WWOX: variants seen among roughly 807,000 people sequenced by gnomAD.
WWOX encodes WW domain containing oxidoreductase.
A neutral mutation model predicts 46.2 loss-of-function variants in WWOX; 69 were observed. That is an observed-to-expected ratio of 1.49 (90% CI 1.23 to 1.82). The LOEUF is 1.82. WWOX is among the 40% of genes most tolerant of loss of function. WWOX has a pLI of 0.00. For synonymous variants in WWOX, 359 were observed against 202.6 expected, an observed-to-expected ratio of 1.77 and a Z score of -6.56; for missense variants, 919 against 542.6, an observed-to-expected ratio of 1.69 and a Z score of -6.89.
chr16:78,440,045 G>A (rs1371140664), intron 8 of WWOX, among the ~76,000 whole-genome samples: 1 of 152,212 alleles, frequency 6.6e-6, no homozygotes, highest in African/African-American at 2.4e-5. Context: ...TTATAAAGGA[G>A]ACTAGAAAAG....
intron 8 of WWOX, among the ~76,000 whole-genome samples, chr16:78,804,205 C>G (rs895353520): frequency 6.6e-6 from 1 of 152,074 alleles, no homozygotes; most frequent in Non-Finnish European, 1.5e-5. Context: ...ACTGCAGTCC[C>G]TCCTCTATGC....
chr16:78,812,535 A>G (rs1399881180), intron 8 of WWOX, among the ~76,000 whole-genome samples: 1 of 152,080 alleles, frequency 6.6e-6, no homozygotes, highest in Non-Finnish European at 1.5e-5. Flanking sequence ...CAGCCTGGCC[A>G]ACATGGCGAA....
At position 78,355,851 on chromosome 16, in the gene WWOX, T is replaced by C. The variant is rs557160454; in HGVS notation, c.517-31009T>C. 3.9e-3 allele frequency: 2,573 copies of C among 653,498 alleles called. 52 individuals are homozygous for C. In the African/African-American group the frequency reaches 0.045, roughly 11 times the overall value. The allele number at this position is 653,498 out of a possible 1,614,324, so 40.5% of individuals were successfully genotyped here. On this transcript the variant is annotated intron_variant, in intron 5 of 8. Transcript: ENST00000566780. Reference sequence around the variant, plus strand: ...GTTGGCTGAAACAAAGAATTTGTCCTGTACGGAAAACAGGAGACTTTGTAC... The same window carrying C: ...GTTGGCTGAAACAAAGAATTTGTCCCGTACGGAAAACAGGAGACTTTGTAC...
At chr16:78,315,501 T>C (rs1227644983) in intron 5 of WWOX, among the ~76,000 whole-genome samples, 1 of 151,980 alleles carries the variant, frequency 6.6e-6, no homozygotes, top group Admixed American at 6.6e-5. Context: ...GATATAAAAA[T>C]TGGCTGGGCA....
Position 78,148,961 on chromosome 16 carries a change from C to T in WWOX, c.410-15222C>T, listed in dbSNP as rs182486602. On this transcript the variant is annotated intron_variant, in intron 4 of 8. Transcript: ENST00000566780. Reference sequence around the variant, plus strand: ...TATTTTGATTACAAAAAATTTCATGCGGTGTTACTTTCTTTTTATTGGTAG... The same window carrying T: ...TATTTTGATTACAAAAAATTTCATGTGGTGTTACTTTCTTTTTATTGGTAG... Among the ~76,000 whole-genome samples the T allele has an allele frequency of 1.1e-4, 15 of 141,382 alleles. No individual in the cohort carries two copies. In the East Asian group the frequency reaches 2.6e-3, roughly 24 times the overall value. The allele number at this position is 141,382 out of a possible 152,430, so 92.8% of individuals were successfully genotyped here.
At chr16:78,990,026 A>C (rs1384650816) in intron 8 of WWOX, among the ~76,000 whole-genome samples, 1 of 151,842 alleles carries the variant, frequency 6.6e-6, no homozygotes, top group Non-Finnish European at 1.5e-5. Flanking sequence ...TCTACAAAAA[A>C]TACAAAAATT....
rs914265691 is a variant in WWOX, at chr16:78,344,681, C to T, written c.517-42179C>T. ...GTGCTGGGCACTTAGCTGGTTTTTACACACATACTTCATTTGAAGGGAAGG... is the reference window on the plus strand; with the variant it reads ...GTGCTGGGCACTTAGCTGGTTTTTATACACATACTTCATTTGAAGGGAAGG... On this transcript the variant is annotated intron_variant, in intron 5 of 8. Coordinates refer to ENST00000566780, the MANE Select transcript of WWOX (RefSeq NM_016373.4). Among the ~76,000 whole-genome samples, 4 of 121,716 alleles carry T rather than the reference C, an allele frequency of 3.3e-5. 2 individuals are homozygous for T. Among genetic ancestry groups the T allele is most frequent in the Admixed American group, 1.6e-4 (2 of 12,568 alleles). The allele number at this position is 121,716 out of a possible 152,430, so 79.9% of individuals were successfully genotyped here.
At chr16:78,900,674 G>C (rs964099587) in intron 8 of WWOX, among the ~76,000 whole-genome samples, 1 of 152,126 alleles carries the variant, frequency 6.6e-6, no homozygotes, top group African/African-American at 2.4e-5. Context: ...TTACTCATCA[G>C]ATCATATGTT....
At chr16:78,385,746 C>T (rs571591796) in intron 5 of WWOX, among the ~76,000 whole-genome samples, 2 of 152,308 alleles carry the variant, frequency 1.3e-5, no homozygotes, top group South Asian at 4.1e-4. Flanking sequence ...CTTAATCTTA[C>T]TTAAGCATCA....
intron 8 of WWOX, among the ~76,000 whole-genome samples, chr16:79,011,713 A>C (rs1432093832): frequency 6.6e-6 from 1 of 151,840 alleles, no homozygotes; most frequent in Non-Finnish European, 1.5e-5. Context: ...GGCTGGTCTC[A>C]AACTCCTGGG....
At chr16:78,960,891 T>A (rs969520351) in intron 8 of WWOX, among the ~76,000 whole-genome samples, 1 of 152,254 alleles carries the variant, frequency 6.6e-6, no homozygotes, top group Non-Finnish European at 1.5e-5. Context: ...AGACTTGATG[T>A]CAAAAGTAAA....
intron 5 of WWOX, among the ~76,000 whole-genome samples, chr16:78,278,239 G>A (rs1230020692): frequency 6.6e-6 from 1 of 152,172 alleles, no homozygotes; most frequent in Non-Finnish European, 1.5e-5. Flanking sequence ...AATATCTAGT[G>A]TAATGTGAAG....
At chr16:79,165,893 C>A (rs2050584882) in intron 8 of WWOX, among the ~76,000 whole-genome samples, 1 of 152,232 alleles carries the variant, frequency 6.6e-6, no homozygotes, top group Non-Finnish European at 1.5e-5. Context: ...CTATTACCTT[C>A]ATAACCAAGG....
At chr16:78,522,102 T>C (rs1013779188) in intron 8 of WWOX, among the ~76,000 whole-genome samples, 1 of 145,328 alleles carries the variant, frequency 6.9e-6, no homozygotes, top group East Asian at 2.0e-4. Flanking sequence ...TCTTTTCATA[T>C]ACAAGGGAAT....
chr16:78,833,151 C>G (rs1383631739), intron 8 of WWOX, among the ~76,000 whole-genome samples: 1 of 151,944 alleles, frequency 6.6e-6, no homozygotes, highest in East Asian at 1.9e-4. Context: ...AAGCGATCCT[C>G]CAGCCTCTGC....
chr16:78,604,639 A>T (rs540446044), intron 8 of WWOX, among the ~76,000 whole-genome samples: 1 of 151,306 alleles, frequency 6.6e-6, no homozygotes, highest in Non-Finnish European at 1.5e-5. Flanking sequence ...TTCCTTTAAT[A>T]AAGATTTAAA....
At chr16:78,909,519 C>G (rs758123749) in intron 8 of WWOX, among the ~76,000 whole-genome samples, 3 of 152,160 alleles carry the variant, frequency 2.0e-5, no homozygotes, top group Non-Finnish European at 4.4e-5. Context: ...CCTCTAGGTC[C>G]CACGTGCCTT....
intron 8 of WWOX, among the ~76,000 whole-genome samples, chr16:78,656,934 C>T (rs1202033413): frequency 6.6e-6 from 1 of 152,200 alleles, no homozygotes; most frequent in African/African-American, 2.4e-5. Context: ...GCTGCTCTGA[C>T]CATCATGGCG....
chr16:78,529,478 AT>A (rs1390603865), intron 8 of WWOX, among the ~76,000 whole-genome samples: 1 of 149,764 alleles, frequency 6.7e-6, no homozygotes, highest in African/African-American at 2.5e-5. Flanking sequence ...CGTTTTTTTT[AT>A]TTTTTGAGAT....
Sources: allele counts gnomAD v4.1 joint callset (sites outside exome capture counted in the v4.1 genomes callset), GRCh38; gene constraint gnomAD v4.1.1; transcripts MANE v1.5; gene names NCBI Gene and HGNC (gene_info 2026-07-23, HGNC 2026-07-21).